Variants in STXBP5 observed in about 807,000 individuals in gnomAD.
STXBP5 encodes syntaxin binding protein 5.
In STXBP5, 50 loss-of-function variants were observed where a neutral mutation model predicts 152.4. The observed-to-expected ratio is 0.33, with a 90% CI of 0.26 to 0.42. The LOEUF is 0.42. STXBP5 is among the 10% of genes least tolerant of loss of function. STXBP5 has a pLI of 1.00. For missense variants in STXBP5, 1,167 were observed against 1,388.6 expected, an observed-to-expected ratio of 0.84 and a Z score of 2.54; for synonymous variants, 492 against 494.7, an observed-to-expected ratio of 0.99 and a Z score of 0.07.
chr6:147,320,841 C>T (rs1429054544), intron 16 of STXBP5, among the ~76,000 whole-genome samples: 3 of 151,884 alleles, frequency 2.0e-5, no homozygotes, highest in Admixed American at 6.6e-5. Flanking sequence ...GATCCTTTTT[C>T]TGGATTTTAG....
At chr6:147,327,040 T>G in intron 17 of STXBP5, 85 bp from the exon 18 acceptor site, 1 of 1,286,210 alleles carries the variant, frequency 7.8e-7, no homozygotes, top group Non-Finnish European at 1.1e-6. Context: ...CCCACCATGC[T>G]TCTTTCTTCA....
chr6:147,344,675 G>T (rs1784240948), intron 21 of STXBP5, among the ~76,000 whole-genome samples: 1 of 152,172 alleles, frequency 6.6e-6, no homozygotes, highest in Non-Finnish European at 1.5e-5. Flanking sequence ...TTGGATTAGG[G>T]CTCAGCCTAA....
chr6:147,226,684 T>G (rs543863122), intron 2 of STXBP5, among the ~76,000 whole-genome samples: 1 of 152,248 alleles, frequency 6.6e-6, no homozygotes, highest in East Asian at 1.9e-4. Context: ...ATTGAAAAGG[T>G]TTTTTTCCAA....
At chr6:147,322,679 G>A (rs1415352661) in intron 16 of STXBP5, among the ~76,000 whole-genome samples, 2 of 152,196 alleles carry the variant, frequency 1.3e-5, no homozygotes, top group Non-Finnish European at 2.9e-5. Flanking sequence ...CATATGTTTT[G>A]CTACAGCAAT....
chr6:147,361,499 C>T lies in STXBP5; in HGVS notation c.2546-1836C>T, dbSNP rs540232717. ...AATATATCAGTGACACTCATGTCAT[C>T]GGTATTGGAGCCCTGAGAAGAAAGA... is the stretch of plus-strand genomic sequence containing the variant. On this transcript the variant is annotated intron_variant, in intron 23 of 27. Transcript: ENST00000321680. Among the ~76,000 whole-genome samples, 37 of 152,220 alleles carry T rather than the reference C, an allele frequency of 2.4e-4. No homozygotes were observed. The East Asian group carries it at 2.5e-3, about 10-fold the overall frequency.
chr6:147,330,502 C>A (rs1432481398), intron 18 of STXBP5, among the ~76,000 whole-genome samples: 1 of 152,004 alleles, frequency 6.6e-6, no homozygotes, highest in South Asian at 2.1e-4. Flanking sequence ...TAAAAGGGAT[C>A]CCCAGTTGGT....
intron 21 of STXBP5, among the ~76,000 whole-genome samples, chr6:147,341,521 T>G (rs1173215426): frequency 6.6e-6 from 1 of 152,210 alleles, no homozygotes; most frequent in East Asian, 1.9e-4. Context: ...ATACAGTGGC[T>G]GGGAAAACAT....
chr6:147,279,622 C>A (rs1168343604), intron 8 of STXBP5, among the ~76,000 whole-genome samples: 2 of 152,184 alleles, frequency 1.3e-5, no homozygotes, highest in Non-Finnish European at 2.9e-5. Context: ...TGACAGCAAT[C>A]ATCTTCTGGG....
intron 9 of STXBP5, among the ~76,000 whole-genome samples, chr6:147,306,076 C>T (rs949176652): frequency 6.6e-6 from 1 of 152,270 alleles, no homozygotes; most frequent in African/African-American, 2.4e-5. Context: ...CAATTAAATT[C>T]CACCCTGCTG....
intron 2 of STXBP5, among the ~76,000 whole-genome samples, chr6:147,230,428 A>G (rs994968756): frequency 6.6e-6 from 1 of 151,822 alleles, no homozygotes; most frequent in Non-Finnish European, 1.5e-5. Context: ...AAATGACTGT[A>G]GTATATTATT....
chr6:147,373,814 T>C lies in STXBP5; in HGVS notation c.3165T>C (p.Gly1055=). 2.5e-6 allele frequency: 4 copies of C among 1,613,356 alleles called. No individual in the cohort carries two copies. Among genetic ancestry groups the C allele is most frequent in the Non-Finnish European group, 3.4e-6 (4 of 1,179,416 alleles). The change falls in exon 26 of 28, where the codon GGT becomes GGC. Residue 1055 remains glycine (G), a synonymous_variant. Coordinates refer to ENST00000321680, the MANE Select transcript of STXBP5 (RefSeq NM_001127715.4). The stretch of plus-strand genomic sequence containing the variant: ...TCTTTAAAGGCTTATTTGGAGGTGG[T>C]GCACAATCTCTTGACAGAGAAGAAC... ...RGFFKGLFGG[G]AQSLDREELF...
chr6:147,278,244 G>A (rs199824356), intron 8 of STXBP5, 40 bp downstream of exon 8: 25 of 1,518,740 alleles, frequency 1.6e-5, no homozygotes, highest in South Asian at 2.6e-5. Context: ...TAATTGTAAC[G>A]TACAGTAAAC....
At chr6:147,255,333 C>T (rs1333731329) in intron 4 of STXBP5, among the ~76,000 whole-genome samples, 1 of 152,118 alleles carries the variant, frequency 6.6e-6, no homozygotes, top group Non-Finnish European at 1.5e-5. Flanking sequence ...GGAGGGATAG[C>T]ATTAGGAAAA....
chr6:147,324,263 G>GTTT (rs764684701), intron 16 of STXBP5, among the ~76,000 whole-genome samples: 895 of 84,816 alleles, frequency 0.011, 94 homozygotes, highest in Non-Finnish European at 0.013. Context: ...GTTTTTTTTT[G>GTTT]GTTTTTTTTT....
Position 147,389,776 on chromosome 6 carries a change from C to T in STXBP5, c.*5021C>T, listed in dbSNP as rs548364628. 6.6e-6 allele frequency: 1 copy of T among 151,384 alleles called. No individual in the cohort carries two copies. The highest frequency in any genetic ancestry group is 1.9e-4 in the East Asian group (1 of 5,166). 9.4% of individuals were successfully genotyped at this position (151,384 alleles called of 1,614,324 possible). On this transcript the variant is annotated 3_prime_UTR_variant, in exon 28 of 28. Coordinates refer to ENST00000321680, the MANE Select transcript of STXBP5 (RefSeq NM_001127715.4). ...CAGTGTAAGGAGTTGAAAATACAAT[C>T]AACATAGCAATGGAAAGCAATGCAA...
intron 4 of STXBP5, among the ~76,000 whole-genome samples, chr6:147,242,718 C>T (rs1328479015): frequency 6.6e-6 from 1 of 152,126 alleles, no homozygotes; most frequent in African/African-American, 2.4e-5. Flanking sequence ...ACTATACAGC[C>T]TAGGTGTGTA....
At chr6:147,347,425 A>G (rs193151433) in intron 21 of STXBP5, among the ~76,000 whole-genome samples, 1 of 152,332 alleles carries the variant, frequency 6.6e-6, no homozygotes, top group Admixed American at 6.5e-5. Context: ...TAAGTACTAC[A>G]GCAAAATAAC....
chr6:147,329,836 C>G (rs918276555), intron 18 of STXBP5, among the ~76,000 whole-genome samples: 32 of 151,800 alleles, frequency 2.1e-4, no homozygotes, highest in African/African-American at 7.5e-4. Context: ...ACCGTGTTAG[C>G]CAGGATGGTC....
At chr6:147,334,054 G>A in intron 18 of STXBP5, 103 bp from the exon 19 acceptor site, 1 of 1,110,692 alleles carries the variant, frequency 9.0e-7, no homozygotes, top group Non-Finnish European at 1.3e-6. Context: ...AATTTATTGG[G>A]TTCTTTTAAA....
Sources: gnomAD v4.1 joint callset for allele counts (sites outside exome capture counted in the v4.1 genomes callset) on GRCh38, gnomAD v4.1.1 for gene constraint, MANE v1.5 for transcripts, NCBI Gene and HGNC (gene_info 2026-07-23, HGNC 2026-07-21) for gene names.